The following PIK3AP1 variants were observed in gnomAD, a reference collection of about 807,000 sequenced individuals.
The protein encoded by PIK3AP1 is phosphoinositide 3-kinase adapter protein 1.
A neutral mutation model predicts 88.1 loss-of-function variants in PIK3AP1; 21 were observed. The observed-to-expected ratio is 0.24, with a 90% CI of 0.17 to 0.34. The LOEUF (loss-of-function observed/expected upper bound fraction) is 0.34, where lower values mean the gene tolerates loss of function less well. Among genes scored for constraint, PIK3AP1 ranks in the 10% least tolerant of loss-of-function variants. PIK3AP1 has a pLI of 1.00. For missense variants in PIK3AP1, 828 were observed against 1,035.7 expected, an observed-to-expected ratio of 0.80 and a Z score of 2.75; for synonymous variants, 398 against 400.0, an observed-to-expected ratio of 1.00 and a Z score of 0.06.
chr10:96,687,723 C>T (rs1000399326), intron 2 of PIK3AP1, among the ~76,000 whole-genome samples: 4 of 152,218 alleles, frequency 2.6e-5, no homozygotes, highest in African/African-American at 9.7e-5. Flanking sequence ...CTCATGCCTG[C>T]ATTAAAGACC....
At chr10:96,657,011 C>A in intron 2 of PIK3AP1, 77 bp from the exon 3 acceptor site, 1,158 of 1,346,696 alleles carry the variant, frequency 8.6e-4, no homozygotes, top group East Asian at 1.9e-3. Context: ...ATGAGAGCCC[C>A]AAATATTGCA....
At chr10:96,710,118 A>AT in intron 1 of PIK3AP1, 135 bp from the exon 2 acceptor site, 1 of 745,440 alleles carries the variant, frequency 1.3e-6, no homozygotes, top group Non-Finnish European at 2.1e-6. Flanking sequence ...CCAGCACACC[A>AT]GCACACCTCA....
intron 2 of PIK3AP1, among the ~76,000 whole-genome samples, chr10:96,660,943 G>A (rs1020529613): frequency 6.6e-6 from 1 of 152,194 alleles, no homozygotes; most frequent in African/African-American, 2.4e-5. Context: ...CCAGCACTTT[G>A]GGAGGCCAAG....
chr10:96,604,166 G>A (rs1226390632), intron 14 of PIK3AP1, 117 bp from the exon 15 acceptor site: 1 of 858,488 alleles, frequency 1.2e-6, no homozygotes, highest in Non-Finnish European at 1.7e-6. Context: ...CTGTAAGTAT[G>A]GGGTTCTTCA....
intron 6 of PIK3AP1, among the ~76,000 whole-genome samples, chr10:96,650,592 A>G (rs989386989): frequency 6.6e-6 from 1 of 152,210 alleles, no homozygotes; most frequent in African/African-American, 2.4e-5. Context: ...TGCTAGGTCA[A>G]TGGCACCCAA....
chr10:96,688,431 T>C (rs1484108110), intron 2 of PIK3AP1, among the ~76,000 whole-genome samples: 1 of 152,246 alleles, frequency 6.6e-6, no homozygotes, highest in Non-Finnish European at 1.5e-5. Context: ...CTCTCATTTC[T>C]TTCTAAAATT....
chr10:96,621,760 A>G (rs1843087180), intron 11 of PIK3AP1: 1 of 152,302 alleles, frequency 6.6e-6, no homozygotes, highest in African/African-American at 2.4e-5. Context: ...ACGCCTTTAG[A>G]CAAGTATTTC....
rs1398988683 is a variant in PIK3AP1, at chr10:96,719,276, C to T, written c.13+1106G>A. ...TTCCGAAGCACCCTTACCAGACCCT[C>T]AGAGGATCTGGGGAGAGCTGGCTCT... On this transcript the variant is annotated intron_variant, in intron 1 of 16. Transcript: ENST00000339364. Among the ~76,000 whole-genome samples, 3 of 152,310 alleles carry T rather than the reference C, an allele frequency of 2.0e-5. No homozygotes were observed. The East Asian group carries it at 5.8e-4, about 29-fold the overall frequency.
intron 2 of PIK3AP1, among the ~76,000 whole-genome samples, chr10:96,665,766 G>T (rs757322205): frequency 6.6e-6 from 1 of 152,182 alleles, no homozygotes; most frequent in Non-Finnish European, 1.5e-5. Context: ...GGTTACTGAG[G>T]AAAGAAGGGG....
chr10:96,683,488 A>G (rs935328860), intron 2 of PIK3AP1, among the ~76,000 whole-genome samples: 5 of 152,230 alleles, frequency 3.3e-5, no homozygotes, highest in African/African-American at 1.2e-4. Context: ...AAAAAAATCT[A>G]CTTATGACAC....
intron 8 of PIK3AP1, among the ~76,000 whole-genome samples, chr10:96,642,722 C>G (rs1843408816): frequency 1.3e-5 from 2 of 152,144 alleles, no homozygotes; most frequent in Admixed American, 6.5e-5. Context: ...TTGGGAAGCC[C>G]TGGTAAACCT....
At chr10:96,708,574 CAAAAA>C (rs924470384) in intron 2 of PIK3AP1, among the ~76,000 whole-genome samples, 3 of 12,832 alleles carry the variant, frequency 2.3e-4, no homozygotes, top group Non-Finnish European at 5.7e-4. Flanking sequence ...GGATCTGTCT[CAAAAA>C]AAAAAAAAAA....
chr10:96,639,011 G>C (rs990102181), intron 8 of PIK3AP1, among the ~76,000 whole-genome samples: 1 of 152,198 alleles, frequency 6.6e-6, no homozygotes, highest in Admixed American at 6.5e-5. Flanking sequence ...GAATATGAAG[G>C]CATTTGGGCT....
chr10:96,638,443 GACACACACACAGACAC>G (rs1381877369), intron 8 of PIK3AP1, among the ~76,000 whole-genome samples: 11 of 132,874 alleles, frequency 8.3e-5, no homozygotes, highest in South Asian at 5.0e-4. Flanking sequence ...AACGGACTAA[GACACACACACAGACAC>G]ACACACACAC....
intron 10 of PIK3AP1, among the ~76,000 whole-genome samples, chr10:96,626,467 G>T (rs570689998): frequency 3.9e-5 from 6 of 152,224 alleles, no homozygotes; most frequent in Non-Finnish European, 8.8e-5. Context: ...CAGGGGTCTT[G>T]TTTACCTGCC....
At chr10:96,641,285 G>C (rs1022700557) in intron 8 of PIK3AP1, among the ~76,000 whole-genome samples, 33 of 152,060 alleles carry the variant, frequency 2.2e-4, no homozygotes, top group African/African-American at 7.7e-4. Flanking sequence ...GGTTGCCTTG[G>C]ATTCTCTTTG....
intron 8 of PIK3AP1, among the ~76,000 whole-genome samples, chr10:96,630,074 ATCT>A (rs1843224944): frequency 1.3e-5 from 2 of 152,128 alleles, no homozygotes; most frequent in Non-Finnish European, 2.9e-5. Context: ...TCCACTGTTC[ATCT>A]TCTTATATTT....
In PIK3AP1 at chr10:96,639,914, T is replaced by C. The variant is rs145683025; in HGVS notation, c.1375+5559A>G. ...TGGTTTCAGACCTACAGGGCTGGGC[T>C]GTGAGGTCCTTTACAGTCCCCAAGT... is the stretch of plus-strand genomic sequence containing the variant. On this transcript the variant is annotated intron_variant, in intron 8 of 16. Coordinates refer to ENST00000339364, the MANE Select transcript of PIK3AP1 (RefSeq NM_152309.3). 6.9e-4 allele frequency among the ~76,000 whole-genome samples: 105 copies of C among 152,364 alleles called. No homozygotes were observed. The East Asian group carries it at 0.016, about 24-fold the overall frequency.
chr10:96,677,578 TACACACACACACAC>T (rs35018772), intron 2 of PIK3AP1, among the ~76,000 whole-genome samples: 78 of 121,184 alleles, frequency 6.4e-4, no homozygotes, highest in Middle Eastern at 8.6e-3. Context: ...ACTAAGCACA[TACACACACACACAC>T]ACACACACAC....
Sources: allele counts gnomAD v4.1 joint callset (sites outside exome capture counted in the v4.1 genomes callset), GRCh38; gene constraint gnomAD v4.1.1; transcripts MANE v1.5; gene names NCBI Gene and HGNC (gene_info 2026-07-23, HGNC 2026-07-21).